The following PUM2 variants were observed in gnomAD, a reference collection of about 807,000 sequenced individuals.
The protein encoded by PUM2 is pumilio homolog 2.
In PUM2, 57 loss-of-function variants were observed where a neutral mutation model predicts 124.5. That is an observed-to-expected ratio of 0.46 (90% CI 0.37 to 0.57). The LOEUF is 0.57. Ranked by LOEUF, PUM2 falls within the 20% of genes least tolerant of loss-of-function variation. PUM2 has a pLI of 0.00. For missense variants in PUM2, 1,065 were observed against 1,290.6 expected (o/e 0.83, Z 2.68); for synonymous variants, 460 against 446.1 (o/e 1.03, Z -0.39).
intron 20 of PUM2, 67 bp downstream of exon 20, chr2:20,253,755 A>G: frequency 7.2e-7 from 1 of 1,382,042 alleles, no homozygotes; most frequent in Non-Finnish European, 9.8e-7. Flanking sequence ...ATGAAAGCCC[A>G]AGGAGGTTAA....
chr2:20,296,603 G>GC (rs1328968581), intron 8 of PUM2, among the ~76,000 whole-genome samples: 11 of 62,716 alleles, frequency 1.8e-4, no homozygotes, highest in Non-Finnish European at 3.3e-4. Context: ...AGCCCCCCCA[G>GC]CCCCCCCAAA....
At chr2:20,255,035 A>G (rs770833165) in intron 18 of PUM2, 51 bp from the exon 19 acceptor site, 2 of 1,565,290 alleles carry the variant, frequency 1.3e-6, no homozygotes, top group East Asian at 4.5e-5. Flanking sequence ...CTTAAGAATG[A>G]TATTCTTTAA....
intron 10 of PUM2, among the ~76,000 whole-genome samples, chr2:20,290,322 T>C (rs1378478256): frequency 6.6e-6 from 1 of 152,244 alleles, no homozygotes; most frequent in Non-Finnish European, 1.5e-5. Context: ...ATAGATTGTC[T>C]TGCATACCAA....
intron 7 of PUM2, among the ~76,000 whole-genome samples, chr2:20,300,217 T>G (rs1676636491): frequency 6.6e-6 from 1 of 152,156 alleles, no homozygotes. Flanking sequence ...TAGCACGATC[T>G]TGGCTCACCA....
chr2:20,296,394 C>G (rs1685149672), intron 8 of PUM2, among the ~76,000 whole-genome samples: 1 of 151,802 alleles, frequency 6.6e-6, no homozygotes, highest in Admixed American at 6.6e-5. Context: ...ACTCGGGAGG[C>G]TGAGGCAGGA....
At chr2:20,322,862 G>A (rs1370068936) in intron 2 of PUM2, among the ~76,000 whole-genome samples, 1 of 151,974 alleles carries the variant, frequency 6.6e-6, no homozygotes, top group Non-Finnish European at 1.5e-5. Flanking sequence ...GAAACATAGA[G>A]AACAAAACAC....
In PUM2 at chr2:20,312,286, T is replaced by C; in HGVS notation, c.298A>G (p.Ser100Gly). ...LGVSMVEYVL[S>G]SSPADKLDSR... ...TCCAATTTATCAGCAGGAGAAGAACTTAATACATATTCTACCATGCTCACA... is the reference window on the plus strand; with the variant it reads ...TCCAATTTATCAGCAGGAGAAGAACCTAATACATATTCTACCATGCTCACA... The change falls in exon 4 of 21, where the codon AGT (serine) becomes GGT (glycine). Residue 100 changes from serine to glycine, a missense_variant. Ser to Gly is a moderately conservative substitution (Grantham distance 56). This residue lies in a region of PUM2 where 7 missense variants were observed against 27.1 expected (regional missense o/e 0.26). Transcript: ENST00000361078. 2 of 1,613,346 alleles carry C rather than the reference T, an allele frequency of 1.2e-6. No homozygotes were observed. The highest frequency in any genetic ancestry group is 1.7e-6 in the Non-Finnish European group (2 of 1,179,534).
intron 7 of PUM2, 89 bp from the exon 8 acceptor site, chr2:20,297,767 G>T: frequency 2.2e-6 from 3 of 1,354,638 alleles, no homozygotes; most frequent in Non-Finnish European, 3.1e-6. Context: ...TGAATCTGGG[G>T]TGGTGTGGGG....
chr2:20,341,032 T>C (rs186905234), intron 1 of PUM2, among the ~76,000 whole-genome samples: 6 of 152,318 alleles, frequency 3.9e-5, no homozygotes, highest in Non-Finnish European at 7.3e-5. Context: ...TATAAAATTC[T>C]TTGGACTGGG....
intron 9 of PUM2, among the ~76,000 whole-genome samples, chr2:20,292,372 T>C (rs892920514): frequency 5.9e-5 from 9 of 151,748 alleles, no homozygotes; most frequent in Non-Finnish European, 1.2e-4. Flanking sequence ...TAAAATTAGA[T>C]TTTTTTCTGA....
chr2:20,275,521 ATT>A (rs889817468), intron 13 of PUM2, among the ~76,000 whole-genome samples: 1 of 152,122 alleles, frequency 6.6e-6, no homozygotes, highest in Non-Finnish European at 1.5e-5. Flanking sequence ...ACAAATTATC[ATT>A]TTGCAACCTC....
chr2:20,326,711 G>A (rs1683762912), intron 2 of PUM2, among the ~76,000 whole-genome samples: 2 of 152,262 alleles, frequency 1.3e-5, no homozygotes, highest in African/African-American at 2.4e-5. Context: ...ATTAAGAAAT[G>A]CGAAGTGCCT....
intron 7 of PUM2, among the ~76,000 whole-genome samples, chr2:20,302,376 A>T (rs916787624): frequency 6.6e-5 from 10 of 152,352 alleles, no homozygotes; most frequent in South Asian, 6.2e-4. Flanking sequence ...AAATTAAAAA[A>T]TTTTTTAAAA....
chr2:20,297,216 A>G (rs1188099534), intron 8 of PUM2, among the ~76,000 whole-genome samples: 1 of 151,852 alleles, frequency 6.6e-6, no homozygotes, highest in Non-Finnish European at 1.5e-5. Flanking sequence ...CCTCTATTTT[A>G]TTTTCTGAGA....
At chr2:20,311,397 A>T (rs1369683486) in intron 5 of PUM2, 97 bp downstream of exon 5, 71 of 1,324,798 alleles carry the variant, frequency 5.4e-5, no homozygotes, top group Non-Finnish European at 6.6e-5. Flanking sequence ...AAAGGAAATA[A>T]ACCTAAATGA....
chr2:20,279,215 A>ATC (rs745324603), intron 12 of PUM2, among the ~76,000 whole-genome samples: 6 of 152,040 alleles, frequency 3.9e-5, no homozygotes, highest in Non-Finnish European at 8.8e-5. Context: ...CCTGCTTCTT[A>ATC]GACTTTAACT....
At position 20,278,651 on chromosome 2, in the gene PUM2, G is replaced by A; in HGVS notation, c.1889C>T (p.Thr630Ile). 1 of 1,613,500 alleles carries A rather than the reference G, an allele frequency of 6.2e-7. No individual in the cohort carries two copies. Among genetic ancestry groups the A allele is most frequent in the South Asian group, 1.1e-5 (1 of 91,066 alleles). The change falls in exon 13 of 21, where the codon ACT becomes ATT. Residue 630 changes from threonine (T) to isoleucine (I), a missense_variant. This residue lies in a region of PUM2 where 968 missense variants were observed against 1,159.8 expected (regional missense o/e 0.83). Transcript: ENST00000361078. ...SPIGMPLPSQ[T>I]PGHSLTPPPS... ...CGGTGGCGTAAGTGAATGTCCTGGA[G>A]TTTGGCTTGGCAGAGGCATGCCTAT...
chr2:20,314,767 A>C (rs554644616), intron 3 of PUM2, among the ~76,000 whole-genome samples: 3 of 152,220 alleles, frequency 2.0e-5, no homozygotes, highest in Non-Finnish European at 4.4e-5. Flanking sequence ...ACACAGTTGA[A>C]ATATTGATTC....
chr2:20,255,087 TAGG>T, intron 18 of PUM2, 103 bp from the exon 19 acceptor site: 20 of 1,476,940 alleles, frequency 1.4e-5, no homozygotes, highest in Non-Finnish European at 1.9e-5. Flanking sequence ...GTAGGATAGT[TAGG>T]AGAATACAAC....
Sources: allele counts gnomAD v4.1 joint callset (sites outside exome capture counted in the v4.1 genomes callset), GRCh38; gene constraint gnomAD v4.1.1; regional missense constraint gnomAD v4.1.1; transcripts MANE v1.5; gene names NCBI Gene and HGNC (gene_info 2026-07-23, HGNC 2026-07-21).